Variants in TCF12 observed in about 807,000 individuals in gnomAD.
The protein encoded by TCF12 is transcription factor 12, also known as DNA-binding protein HTF4.
TCF12 carries 45 observed loss-of-function variants against 86.0 expected under a neutral mutation model. The observed-to-expected ratio is 0.52, with a 90% confidence interval of 0.41 to 0.67. The LOEUF is 0.67. Among genes scored for constraint, TCF12 ranks in the 30% least tolerant of loss-of-function variants. The pLI is 0.00. For synonymous variants in TCF12, 330 were observed against 299.6 expected, an observed-to-expected ratio of 1.10 and a Z score of -1.05; for missense variants, 881 against 859.9, an observed-to-expected ratio of 1.02 and a Z score of -0.31.
chr15:57,002,777 A>G (rs988854135), intron 3 of TCF12, among the ~76,000 whole-genome samples: 1 of 152,228 alleles, frequency 6.6e-6, no homozygotes, highest in Admixed American at 6.5e-5. Flanking sequence ...AATAAAGCAG[A>G]CAGTCTATGG....
At chr15:57,094,767 A>G (rs561897901) in intron 5 of TCF12, among the ~76,000 whole-genome samples, 48 of 152,314 alleles carry the variant, frequency 3.2e-4, no homozygotes, top group African/African-American at 1.1e-3. Flanking sequence ...TGCTGTCAAC[A>G]TATAAAAACA....
At chr15:57,020,408 A>G (rs1370168493) in intron 3 of TCF12, among the ~76,000 whole-genome samples, 17 of 152,176 alleles carry the variant, frequency 1.1e-4, no homozygotes, top group Admixed American at 1.1e-3. Flanking sequence ...AATGTTTTGC[A>G]TGTGTTAGTA....
Position 56,948,033 on chromosome 15 carries a change from CTTAT to C in TCF12, c.148+26940_148+26943del, listed in dbSNP as rs578166850. On this transcript the variant is annotated intron_variant, in intron 3 of 20. Coordinates refer to ENST00000333725, the MANE Select transcript of TCF12 (RefSeq NM_207037.2). Reference sequence around the variant, plus strand: ...ATGTCAGGGTTTTTATTTTGTGTGACTTATTTATCACTTTTGTAAGGGTTATTAA... The same window carrying C: ...ATGTCAGGGTTTTTATTTTGTGTGACTTATCACTTTTGTAAGGGTTATTAA... 8.4e-3 allele frequency among the ~76,000 whole-genome samples: 1,279 copies of C among 152,142 alleles called. 27 individuals carry two copies. Among genetic ancestry groups the C allele is most frequent in the African/African-American group, 0.029 (1,212 of 41,486 alleles).
intron 19 of TCF12, among the ~76,000 whole-genome samples, chr15:57,274,075 A>C (rs1163736513): frequency 6.6e-6 from 1 of 152,134 alleles, no homozygotes; most frequent in African/African-American, 2.4e-5. Flanking sequence ...AAAATATCCT[A>C]AGCCTTTTTG....
chr15:57,100,410 G>A (rs1312814952), intron 5 of TCF12, among the ~76,000 whole-genome samples: 5 of 151,188 alleles, frequency 3.3e-5, no homozygotes, highest in Admixed American at 6.6e-5. Flanking sequence ...GTAACATTTC[G>A]GATTCACTTC....
chr15:56,934,485 G>A (rs1332368000), intron 3 of TCF12, among the ~76,000 whole-genome samples: 1 of 152,172 alleles, frequency 6.6e-6, no homozygotes, highest in Non-Finnish European at 1.5e-5. Flanking sequence ...TCATATCCAT[G>A]AATGACAGGA....
intron 5 of TCF12, among the ~76,000 whole-genome samples, chr15:57,158,512 C>T (rs80305898): frequency 0.041 from 6,293 of 152,068 alleles, 365 homozygotes; most frequent in African/African-American, 0.13. Context: ...TTCAAATTGC[C>T]CAGGTCTGAC....
chr15:57,112,646 T>C (rs1028111895), intron 5 of TCF12, among the ~76,000 whole-genome samples: 1 of 152,212 alleles, frequency 6.6e-6, no homozygotes, highest in Admixed American at 6.5e-5. Context: ...TGATTTGGTA[T>C]AGCACAAATT....
chr15:57,169,236 T>G (rs747431725), intron 6 of TCF12, among the ~76,000 whole-genome samples: 9 of 152,228 alleles, frequency 5.9e-5, no homozygotes. Context: ...CGTCTTCATC[T>G]TAAATCTAAG....
chr15:57,048,094 A>G (rs1322983744), intron 3 of TCF12, among the ~76,000 whole-genome samples: 2 of 152,166 alleles, frequency 1.3e-5, no homozygotes, highest in Non-Finnish European at 2.9e-5. Context: ...TTTACATATG[A>G]ATTTTCTACC....
intron 5 of TCF12, among the ~76,000 whole-genome samples, chr15:57,094,779 C>G (rs75761940): frequency 6.6e-6 from 1 of 151,962 alleles, no homozygotes; most frequent in South Asian, 2.1e-4. Flanking sequence ...ATAAAAACAC[C>G]ATTAAGTGGG....
intron 6 of TCF12, among the ~76,000 whole-genome samples, chr15:57,176,990 T>C (rs1223117581): frequency 6.6e-6 from 1 of 152,190 alleles, no homozygotes; most frequent in Admixed American, 6.5e-5. Flanking sequence ...GACGTAAGAC[T>C]AGCTCTTGGA....
chr15:57,140,612 C>G (rs867574726), intron 5 of TCF12, among the ~76,000 whole-genome samples: 1 of 152,084 alleles, frequency 6.6e-6, no homozygotes, highest in Non-Finnish European at 1.5e-5. Flanking sequence ...TACAAAGTGC[C>G]GTGTAATTAT....
chr15:57,110,021 C>T (rs1381634028), intron 5 of TCF12, among the ~76,000 whole-genome samples: 2 of 143,308 alleles, frequency 1.4e-5, no homozygotes, highest in Non-Finnish European at 3.1e-5. Flanking sequence ...CATTTAATGT[C>T]GTAGGAGACC....
chr15:56,992,075 G>C (rs1349859904), intron 3 of TCF12, among the ~76,000 whole-genome samples: 1 of 150,836 alleles, frequency 6.6e-6, no homozygotes, highest in Non-Finnish European at 1.5e-5. Flanking sequence ...GCAATACAGT[G>C]AGATCGTGTC....
intron 4 of TCF12, among the ~76,000 whole-genome samples, chr15:57,064,535 C>G (rs940704278): frequency 1.3e-5 from 2 of 152,120 alleles, no homozygotes; most frequent in East Asian, 1.9e-4. Context: ...TGGCTCATGC[C>G]TGTAATCCCA....
At chr15:57,262,339 G>C (rs1359609928) in intron 17 of TCF12, 131 bp downstream of exon 17, 1 of 714,206 alleles carries the variant, frequency 1.4e-6, no homozygotes, top group Non-Finnish European at 2.3e-6. Context: ...AAATAGCGTG[G>C]AGAGCAGATA....
intron 5 of TCF12, among the ~76,000 whole-genome samples, chr15:57,161,392 A>G (rs557710188): frequency 2.6e-5 from 4 of 152,164 alleles, no homozygotes; most frequent in Non-Finnish European, 5.9e-5. Flanking sequence ...TGTTTTAAAT[A>G]CTGTATAAAT....
intron 19 of TCF12, chr15:57,282,173 T>C: frequency 2.2e-6 from 1 of 450,280 alleles, no homozygotes; most frequent in Non-Finnish European, 4.0e-6. Flanking sequence ...CCAAAATGTT[T>C]GAGTGAAGAG....
Sources: gnomAD v4.1 joint callset for allele counts (sites outside exome capture counted in the v4.1 genomes callset) on GRCh38, gnomAD v4.1.1 for gene constraint, MANE v1.5 for transcripts, NCBI Gene and HGNC (gene_info 2026-07-23, HGNC 2026-07-21) for gene names.